The following CDK14 variants were observed in gnomAD, a reference collection of about 807,000 sequenced individuals.
CDK14 encodes the protein cyclin-dependent kinase 14.
CDK14 carries 34 observed loss-of-function variants against 60.7 expected under a neutral mutation model. That is an observed-to-expected ratio of 0.56 (90% CI 0.43 to 0.75). The LOEUF (loss-of-function observed/expected upper bound fraction) is 0.75. Among genes scored for constraint, CDK14 ranks in the 30% least tolerant of loss-of-function variants. The probability of loss-of-function intolerance (pLI) is 0.00; values close to 1 mark genes in which losing one functional copy is unlikely to be tolerated. For synonymous variants in CDK14, 197 were observed against 203.7 expected, an observed-to-expected ratio of 0.97 and a Z score of 0.28; for missense variants, 482 against 564.1, an observed-to-expected ratio of 0.85 and a Z score of 1.47.
At chr7:91,059,961 G>C (rs1797725859) in intron 11 of CDK14, among the ~76,000 whole-genome samples, 1 of 152,162 alleles carries the variant, frequency 6.6e-6, no homozygotes, top group African/African-American at 2.4e-5. Context: ...GGGTATCCTT[G>C]TTAACTTTCT....
At chr7:90,785,852 AT>A (rs1805559656) in intron 4 of CDK14, among the ~76,000 whole-genome samples, 1 of 151,320 alleles carries the variant, frequency 6.6e-6, no homozygotes, top group African/African-American at 2.4e-5. Flanking sequence ...AAAATTTTAT[AT>A]TTACAAATTT....
intron 8 of CDK14, among the ~76,000 whole-genome samples, chr7:90,940,749 G>T (rs988174612): frequency 6.6e-6 from 1 of 151,904 alleles, no homozygotes; most frequent in Non-Finnish European, 1.5e-5. Context: ...TTGTGCCACT[G>T]CCCTCCAGTC....
intron 10 of CDK14, among the ~76,000 whole-genome samples, chr7:91,019,111 G>A (rs1796375356): frequency 6.6e-6 from 1 of 152,168 alleles, no homozygotes; most frequent in Non-Finnish European, 1.5e-5. Context: ...CATAGAAAGA[G>A]AGTTTTTAGC....
rs1356238184 is a variant in CDK14, at chr7:91,208,768, G to T, written c.*1632G>T. ...AAACTTTAAAATGGTACTGTCTGCG[G>T]AGTGGAGTATGGATGGTTATGTCAA... is the stretch of plus-strand genomic sequence containing the variant. On this transcript the variant is annotated 3_prime_UTR_variant, in exon 15 of 15. Transcript: ENST00000380050. 6.6e-6 allele frequency: 1 copy of T among 152,564 alleles called. No individual in the cohort carries two copies. The highest frequency in any genetic ancestry group is 1.5e-5 in the Non-Finnish European group (1 of 68,040). The allele number at this position is 152,564 out of a possible 1,614,324, so 9.5% of individuals were successfully genotyped here. A position where few individuals can be genotyped will look rare whatever the true frequency, so the allele number is the denominator to read the frequency against.
chr7:91,191,031 T>A (rs1802345849), intron 14 of CDK14, among the ~76,000 whole-genome samples: 1 of 152,152 alleles, frequency 6.6e-6, no homozygotes, highest in Non-Finnish European at 1.5e-5. Context: ...AACTTCAGCC[T>A]AAGTTTACTG....
At chr7:90,786,959 C>T (rs963674052) in intron 4 of CDK14, among the ~76,000 whole-genome samples, 1 of 146,322 alleles carries the variant, frequency 6.8e-6, no homozygotes, top group African/African-American at 2.5e-5. Context: ...TTAAAATATA[C>T]ATGAACAAAA....
At chr7:91,025,255 A>C (rs530321920) in intron 10 of CDK14, among the ~76,000 whole-genome samples, 2 of 152,238 alleles carry the variant, frequency 1.3e-5, no homozygotes, top group Admixed American at 1.3e-4. Flanking sequence ...TGTACCTGGC[A>C]CTTTGTTCTT....
intron 8 of CDK14, among the ~76,000 whole-genome samples, chr7:90,918,215 T>C (rs572111940): frequency 7.8e-4 from 119 of 152,298 alleles, no homozygotes; most frequent in Non-Finnish European, 1.4e-3. Context: ...TACACAATAA[T>C]GTACATTGCC....
intron 2 of CDK14, among the ~76,000 whole-genome samples, chr7:90,663,123 C>G (rs891954780): frequency 1.3e-5 from 2 of 151,766 alleles, no homozygotes; most frequent in South Asian, 2.1e-4. Flanking sequence ...CACACACACA[C>G]ACACACACAC....
chr7:90,685,857 A>G (rs921897433), intron 2 of CDK14, among the ~76,000 whole-genome samples: 1 of 151,630 alleles, frequency 6.6e-6, no homozygotes, highest in Non-Finnish European at 1.5e-5. Context: ...TCTGTTCCTT[A>G]TTTACATTTT....
chr7:90,857,110 T>C (rs1311452776), intron 5 of CDK14, among the ~76,000 whole-genome samples: 1 of 133,556 alleles, frequency 7.5e-6, no homozygotes, highest in Non-Finnish European at 1.7e-5. Context: ...TTAACAATGG[T>C]TTTGGAAAAA....
chr7:91,166,527 G>T (rs1801351650), intron 14 of CDK14, among the ~76,000 whole-genome samples: 1 of 152,174 alleles, frequency 6.6e-6, no homozygotes, highest in Non-Finnish European at 1.5e-5. Flanking sequence ...AAAGCATTCA[G>T]ATTATTTATA....
intron 8 of CDK14, among the ~76,000 whole-genome samples, chr7:90,935,615 T>C (rs1793727121): frequency 6.6e-6 from 1 of 152,238 alleles, no homozygotes; most frequent in Admixed American, 6.5e-5. Flanking sequence ...CTTTACATAA[T>C]GGGCAATTAT....
At chr7:90,911,829 T>C (rs1486763994) in intron 7 of CDK14, among the ~76,000 whole-genome samples, 2 of 152,196 alleles carry the variant, frequency 1.3e-5, no homozygotes, top group Admixed American at 6.5e-5. Context: ...TACCATTAAT[T>C]AATTAATTAA....
At chr7:90,902,742 A>T (rs1792554700) in intron 7 of CDK14, among the ~76,000 whole-genome samples, 1 of 152,158 alleles carries the variant, frequency 6.6e-6, no homozygotes, top group Non-Finnish European at 1.5e-5. Context: ...AATAATAGAT[A>T]AATGGGACTA....
At chr7:91,102,752 A>G (rs1193241864) in intron 12 of CDK14, among the ~76,000 whole-genome samples, 1 of 151,990 alleles carries the variant, frequency 6.6e-6, no homozygotes, top group Middle Eastern at 3.2e-3. Flanking sequence ...AGAAAATGAC[A>G]TCTTCCGGGG....
At chr7:90,849,137 C>G (rs1345231796) in intron 5 of CDK14, among the ~76,000 whole-genome samples, 1 of 152,090 alleles carries the variant, frequency 6.6e-6, no homozygotes, top group Non-Finnish European at 1.5e-5. Flanking sequence ...GCGGATCCCT[C>G]ATGAATGGCT....
intron 4 of CDK14, among the ~76,000 whole-genome samples, chr7:90,780,478 G>A (rs915074256): frequency 1.3e-5 from 2 of 150,348 alleles, no homozygotes; most frequent in African/African-American, 4.9e-5. Context: ...ACAATGTGCA[G>A]GTTAGTTACA....
At chr7:90,989,722 C>G (rs12539075) in intron 10 of CDK14, among the ~76,000 whole-genome samples, 22,222 of 152,040 alleles carry the variant, frequency 0.15, 1,845 homozygotes, top group Middle Eastern at 0.27. Flanking sequence ...TGTTTTCTAC[C>G]CGCCCTCACC....
Sources: allele counts gnomAD v4.1 joint callset (sites outside exome capture counted in the v4.1 genomes callset), GRCh38; gene constraint gnomAD v4.1.1; transcripts MANE v1.5; gene names NCBI Gene and HGNC (gene_info 2026-07-23, HGNC 2026-07-21).